CCDC69: variants seen among roughly 807,000 people sequenced by gnomAD.
The protein encoded by CCDC69 is coiled-coil domain-containing protein 69.
Under a neutral mutation model 40.3 loss-of-function variants are expected in CCDC69, and 38 were observed. The observed-to-expected ratio is 0.94, with a 90% CI of 0.73 to 1.24. The LOEUF is 1.24. Ranked by LOEUF, CCDC69 falls within the 50% of genes most tolerant of loss-of-function variation. CCDC69 has a pLI of 0.00. For synonymous variants in CCDC69, 141 were observed against 138.9 expected (o/e 1.02, Z -0.11); for missense variants, 389 against 357.9 (o/e 1.09, Z -0.70).
intron 4 of CCDC69, among the ~76,000 whole-genome samples, chr5:151,192,324 G>A (rs139384777): frequency 0.02 from 3,035 of 151,364 alleles, 40 homozygotes; most frequent in Middle Eastern, 0.072. Flanking sequence ...ACATACACAT[G>A]ACCAATATCA....
rs1192279494 is a variant in CCDC69, at chr5:151,224,044, T to A, written c.-74A>T. 1 of 1,343,024 alleles carries A rather than the reference T, an allele frequency of 7.4e-7. No individual in the cohort carries two copies. Among genetic ancestry groups the A allele is most frequent in the Non-Finnish European group, 1.0e-6 (1 of 998,464 alleles). 83.2% of individuals were successfully genotyped at this position (1,343,024 alleles called of 1,614,324 possible). On this transcript the variant is annotated 5_prime_UTR_variant, in exon 1 of 9. Coordinates refer to ENST00000355417, the MANE Select transcript of CCDC69 (RefSeq NM_015621.3). Reference sequence around the variant, plus strand: ...GAGGAGCCTGCGATCCGGGCCCCGCTGCCCGCTCCGCGCCCGCCGGCTGGG... The same window carrying A: ...GAGGAGCCTGCGATCCGGGCCCCGCAGCCCGCTCCGCGCCCGCCGGCTGGG...
In CCDC69 at chr5:151,184,348, A is replaced by T; in HGVS notation, c.709T>A (p.Ser237Thr). 6.2e-7 allele frequency: 1 copy of T among 1,613,264 alleles called. No homozygotes were observed. The highest frequency in any genetic ancestry group is 1.1e-5 in the South Asian group (1 of 91,058). ...AGGAGGCAGGAAGACAGCTACCTTG[A>T]CAGGACCACCTGGTTGCGGCTTCGG... ...HVRSRNQVVL[S>T]RQLSEDLLLT... is the part of the protein sequence containing the mutation. Residue 237 changes from serine to threonine, a missense_variant, in exon 8 of 9, where the codon TCA (serine) becomes ACA (threonine). Transcript: ENST00000355417.
At chr5:151,185,564 C>T in intron 6 of CCDC69, 23 bp from the exon 7 acceptor site, 3 of 1,612,160 alleles carry the variant, frequency 1.9e-6, no homozygotes, top group Non-Finnish European at 2.5e-6. Flanking sequence ...AGAGTGACCT[C>T]ATTAGGCCAG....
chr5:151,198,351 C>T (rs1021227815), intron 4 of CCDC69, among the ~76,000 whole-genome samples: 1 of 144,362 alleles, frequency 6.9e-6, no homozygotes, highest in African/African-American at 2.6e-5. Flanking sequence ...TCTATCTTAC[C>T]AAACTGGAAA....
intron 4 of CCDC69, among the ~76,000 whole-genome samples, chr5:151,189,910 G>A (rs141310040): frequency 6.6e-6 from 1 of 152,186 alleles, no homozygotes; most frequent in South Asian, 2.1e-4. Context: ...TGTTCTCGCT[G>A]ATCTTTATCC....
chr5:151,183,240 G>C lies in CCDC69; in HGVS notation c.*197C>G. 1.4e-6 allele frequency: 1 copy of C among 718,370 alleles called. No individual in the cohort carries two copies. 44.5% of individuals were successfully genotyped at this position (718,370 alleles called of 1,614,324 possible). A position where few individuals can be genotyped will look rare whatever the true frequency, so the allele number is the denominator to read the frequency against. ...GCCAACTCAAGGGAAGACGCTTCTC[G>C]GGGCCTCCAAAACCCTGTGGGTGAT... On this transcript the variant is annotated 3_prime_UTR_variant, in exon 9 of 9. Transcript: ENST00000355417.
intron 4 of CCDC69, among the ~76,000 whole-genome samples, chr5:151,193,664 G>A (rs1752656117): frequency 6.6e-6 from 1 of 152,088 alleles, no homozygotes; most frequent in Admixed American, 6.5e-5. Context: ...AGAAAACATT[G>A]AAGAAAATCT....
chr5:151,219,274 T>C (rs1753100701), intron 1 of CCDC69, among the ~76,000 whole-genome samples: 1 of 152,170 alleles, frequency 6.6e-6, no homozygotes, highest in Non-Finnish European at 1.5e-5. Flanking sequence ...TCCTTCTGCC[T>C]AGCATGCCCT....
At chr5:151,216,406 A>ATTTTTT (rs1262419326) in intron 1 of CCDC69, among the ~76,000 whole-genome samples, 18 of 116,308 alleles carry the variant, frequency 1.5e-4, no homozygotes, top group Non-Finnish European at 2.2e-4. Context: ...AATTATTAGG[A>ATTTTTT]TTTTTTTTTT....
intron 2 of CCDC69, among the ~76,000 whole-genome samples, chr5:151,203,155 CA>C (rs1752799203): frequency 6.6e-6 from 1 of 152,106 alleles, no homozygotes; most frequent in South Asian, 2.1e-4. Context: ...TATGAACCTA[CA>C]CAATCTGTTT....
In CCDC69 at chr5:151,198,886, G is replaced by A. The variant is rs188894837; in HGVS notation, c.319+111C>T. 5.6e-4 allele frequency: 450 copies of A among 804,508 alleles called. 4 individuals are homozygous for A. The East Asian group carries it at 0.011, about 19-fold the overall frequency. 49.8% of individuals were successfully genotyped at this position (804,508 alleles called of 1,614,324 possible). On this transcript the variant is annotated intron_variant, in intron 4 of 8. Coordinates refer to ENST00000355417, the MANE Select transcript of CCDC69 (RefSeq NM_015621.3). ...CTGTAGATTTGAGTCAATTGCTTGT[G>A]GATCAGACAGACAGGGAGGGAACAG...
intron 1 of CCDC69, among the ~76,000 whole-genome samples, chr5:151,221,999 G>A (rs1314272860): frequency 6.6e-6 from 1 of 152,250 alleles, no homozygotes; most frequent in Admixed American, 6.5e-5. Flanking sequence ...TGGCATGGCT[G>A]GGGCCAAGAA....
intron 5 of CCDC69, 142 bp from the exon 6 acceptor site, chr5:151,186,266 T>C (rs573255218): frequency 1.5e-6 from 1 of 658,090 alleles, no homozygotes; most frequent in African/African-American, 1.8e-5. Flanking sequence ...AACATCAACA[T>C]ACTTCGACCA....
chr5:151,208,253 AAAAC>A (rs1214867494), intron 1 of CCDC69, among the ~76,000 whole-genome samples: 11 of 152,256 alleles, frequency 7.2e-5, no homozygotes, highest in Non-Finnish European at 8.8e-5. Flanking sequence ...TCTGTCTCAA[AAAAC>A]AAACAAACAA....
At chr5:151,222,558 C>T (rs959566650) in intron 1 of CCDC69, among the ~76,000 whole-genome samples, 2 of 152,174 alleles carry the variant, frequency 1.3e-5, no homozygotes, top group African/African-American at 4.8e-5. Flanking sequence ...AAACTGAGAC[C>T]CAGGGAGACA....
chr5:151,187,629 C>G (rs1233263135), intron 4 of CCDC69, among the ~76,000 whole-genome samples, 170 bp from the exon 5 acceptor site: 1 of 151,982 alleles, frequency 6.6e-6, no homozygotes, highest in Non-Finnish European at 1.5e-5. Context: ...GGGGGCTGTG[C>G]CAGAAATGTA....
chr5:151,186,503 C>T (rs1266273969), intron 5 of CCDC69, among the ~76,000 whole-genome samples: 1 of 151,764 alleles, frequency 6.6e-6, no homozygotes, highest in Non-Finnish European at 1.5e-5. Context: ...CATACCAACC[C>T]CACCTCTTGC....
At chr5:151,206,045 C>T (rs1311622215) in intron 1 of CCDC69, among the ~76,000 whole-genome samples, 1 of 152,158 alleles carries the variant, frequency 6.6e-6, no homozygotes, top group African/African-American at 2.4e-5. Flanking sequence ...CACTATCTAC[C>T]TGGAGATAGT....
intron 1 of CCDC69, among the ~76,000 whole-genome samples, chr5:151,209,687 C>A (rs1299587628): frequency 6.6e-6 from 1 of 152,018 alleles, no homozygotes; most frequent in Non-Finnish European, 1.5e-5. Flanking sequence ...TCAAGCAATT[C>A]TCCTGCCTCA....
Sources: allele counts gnomAD v4.1 joint callset (sites outside exome capture counted in the v4.1 genomes callset), GRCh38; gene constraint gnomAD v4.1.1; transcripts MANE v1.5; gene names NCBI Gene and HGNC (gene_info 2026-07-23, HGNC 2026-07-21).